PGM2L1: variants seen among roughly 807,000 people sequenced by gnomAD.
PGM2L1 encodes the protein phosphoglucomutase 2 like 1, also known as glucose 1,6-bisphosphate synthase.
PGM2L1 carries 35 observed loss-of-function variants against 73.4 expected under a neutral mutation model. That is an observed-to-expected ratio of 0.48 (90% CI 0.36 to 0.63). PGM2L1 has a LOEUF of 0.63. PGM2L1 is among the 30% of genes least tolerant of loss of function. PGM2L1 has a pLI of 0.00. For missense variants in PGM2L1, 570 were observed against 742.0 expected (o/e 0.77, Z 2.69); for synonymous variants, 225 against 253.8 (o/e 0.89, Z 1.08).
In PGM2L1 at chr11:74,348,547, C is replaced by A. The variant is rs564000365; in HGVS notation, c.750-1210G>T. Among the ~76,000 whole-genome samples the A allele has an allele frequency of 9.2e-5, 14 of 152,236 alleles. 1 individual carries two copies. Among genetic ancestry groups the A allele is most frequent in the Admixed American group, 2.6e-4 (4 of 15,288 alleles). On this transcript the variant is annotated intron_variant, in intron 6 of 13. Transcript: ENST00000298198. ...CATCTAACAAAATCAACAATAATTTCTTTCCTCTAATACCGTATCTGTGTT... is the reference window on the plus strand; with the variant it reads ...CATCTAACAAAATCAACAATAATTTATTTCCTCTAATACCGTATCTGTGTT...
chr11:74,355,386 C>T (rs1225451875), intron 5 of PGM2L1: 1 of 577,728 alleles, frequency 1.7e-6, no homozygotes, highest in Non-Finnish European at 3.1e-6. Flanking sequence ...AACCCCGTCT[C>T]TACTAAAAAT....
intron 1 of PGM2L1, among the ~76,000 whole-genome samples, chr11:74,387,259 T>C (rs1029853048): frequency 6.6e-6 from 1 of 152,176 alleles, no homozygotes; most frequent in Admixed American, 6.6e-5. Context: ...ATTAGAAAGG[T>C]TGGGGTCAGA....
At chr11:74,357,467 AACAATGAGAT>A (rs1181757874) in intron 5 of PGM2L1, among the ~76,000 whole-genome samples, 1 of 152,332 alleles carries the variant, frequency 6.6e-6, no homozygotes, top group East Asian at 1.9e-4. Flanking sequence ...AAATTAAAAC[AACAATGAGAT>A]ACTACTGCAC....
At chr11:74,359,253 A>G (rs554006354) in intron 5 of PGM2L1, among the ~76,000 whole-genome samples, 28 of 152,198 alleles carry the variant, frequency 1.8e-4, no homozygotes, top group Admixed American at 5.9e-4. Flanking sequence ...CAGTGCCACA[A>G]TAAACATTCT....
rs538574623 is a variant in PGM2L1 at position 74,381,535 on chromosome 11, G to A, written c.112-6953C>T. 1.1e-4 allele frequency among the ~76,000 whole-genome samples: 17 copies of A among 149,216 alleles called. 1 individual carries two copies. Among genetic ancestry groups the A allele is most frequent in the African/African-American group, 1.2e-4 (5 of 40,402 alleles). On this transcript the variant is annotated intron_variant, in intron 1 of 13. Transcript: ENST00000298198. ...CTGTGTAAGCCACTGAAACTTTGGC[G>A]TATTTGTAGGGTTTTTTGTTTGTTT...
chr11:74,387,327 C>T (rs1263924011), intron 1 of PGM2L1, among the ~76,000 whole-genome samples: 4 of 152,158 alleles, frequency 2.6e-5, no homozygotes, highest in African/African-American at 4.8e-5. Context: ...CCTCTCTCTA[C>T]ACTTCTCTGA....
intron 1 of PGM2L1, among the ~76,000 whole-genome samples, chr11:74,392,086 GC>G (rs1863111234): frequency 2.0e-5 from 3 of 152,186 alleles, no homozygotes; most frequent in Admixed American, 2.0e-4. Context: ...AATATCTAAA[GC>G]TTTAAAATAC....
chr11:74,338,119 G>A (rs1321240007), intron 13 of PGM2L1, among the ~76,000 whole-genome samples: 1 of 152,144 alleles, frequency 6.6e-6, no homozygotes, highest in East Asian at 1.9e-4. Context: ...CTGAATCATG[G>A]TGGAACCTAG....
At chr11:74,390,131 A>G (rs1477276553) in intron 1 of PGM2L1, among the ~76,000 whole-genome samples, 6 of 133,798 alleles carry the variant, frequency 4.5e-5, no homozygotes, top group African/African-American at 1.4e-4. Flanking sequence ...AAAAAAAAAA[A>G]GAAAACTTGA....
At chr11:74,397,895 C>T (rs1365942501) in intron 1 of PGM2L1, 156 bp downstream of exon 1, 2 of 1,306,480 alleles carry the variant, frequency 1.5e-6, no homozygotes, top group Non-Finnish European at 2.0e-6. Flanking sequence ...AAGGAGCAAC[C>T]CCACGCATAG....
intron 1 of PGM2L1, among the ~76,000 whole-genome samples, chr11:74,388,303 T>A (rs1053274344): frequency 6.9e-6 from 1 of 145,526 alleles, no homozygotes; most frequent in Non-Finnish European, 1.5e-5. Context: ...GTAAATCTCA[T>A]GCTAAGTGTT....
At chr11:74,361,344 A>G (rs1474230914) in intron 5 of PGM2L1, among the ~76,000 whole-genome samples, 2 of 152,186 alleles carry the variant, frequency 1.3e-5, no homozygotes, top group African/African-American at 2.4e-5. Context: ...GGTCCTGACT[A>G]TTATAAGGAA....
Position 74,347,340 on chromosome 11 carries a change from G to T in PGM2L1, c.750-3C>A. ...AGGTGGTCTTCGAGTTTAACTCCCTGTAAAGGAAAATCAACATAAGATCAT... is the reference window on the plus strand; with the variant it reads ...AGGTGGTCTTCGAGTTTAACTCCCTTTAAAGGAAAATCAACATAAGATCAT... On this transcript the variant is annotated splice_polypyrimidine_tract_variant and splice_region_variant and intron_variant, in intron 6 of 13. Transcript: ENST00000298198. The T allele has an allele frequency of 6.3e-7, 1 of 1,577,016 alleles. No individual in the cohort carries two copies. The highest frequency in any genetic ancestry group is 8.6e-7 in the Non-Finnish European group (1 of 1,162,658).
At chr11:74,357,198 G>T (rs545392062) in intron 5 of PGM2L1, among the ~76,000 whole-genome samples, 128 of 152,178 alleles carry the variant, frequency 8.4e-4, no homozygotes, top group African/African-American at 2.7e-3. Context: ...ATGAAAGAAA[G>T]AATTGATAAG....
In PGM2L1 at chr11:74,335,965, A is replaced by C. The variant is rs1306233980; in HGVS notation, c.*687T>G. ...TGAGAAGGCACTGAGAAATTTGATA[A>C]GAACAAAGCCAATAGGAGTGTTGCC... On this transcript the variant is annotated 3_prime_UTR_variant, in exon 14 of 14. Transcript: ENST00000298198. 6.6e-6 allele frequency: 1 copy of C among 152,666 alleles called. No homozygotes were observed. The highest frequency in any genetic ancestry group is 2.4e-5 in the African/African-American group (1 of 41,458). 9.5% of individuals were successfully genotyped at this position (152,666 alleles called of 1,614,324 possible).
intron 1 of PGM2L1, among the ~76,000 whole-genome samples, chr11:74,387,101 T>C (rs1015904436): frequency 6.6e-6 from 1 of 152,236 alleles, no homozygotes; most frequent in African/African-American, 2.4e-5. Flanking sequence ...AACATCCTTA[T>C]GTAAAACTTT....
At chr11:74,359,416 A>T (rs646047) in intron 5 of PGM2L1, among the ~76,000 whole-genome samples, 90,612 of 151,844 alleles carry the variant, frequency 0.6, 27,724 homozygotes, top group East Asian at 0.8. Flanking sequence ...CAATGTCACA[A>T]ATACAAATAT....
chr11:74,374,864 A>C (rs1292594670), intron 1 of PGM2L1, among the ~76,000 whole-genome samples: 1 of 152,194 alleles, frequency 6.6e-6, no homozygotes, highest in African/African-American at 2.4e-5. Context: ...AAGAGCTTTG[A>C]ATCCAAAATA....
At position 74,333,642 on chromosome 11, in the gene PGM2L1, T is replaced by G. The variant is rs1387783694; in HGVS notation, c.*3010A>C. The G allele has an allele frequency of 1.2e-4, 18 of 152,188 alleles. No homozygotes were observed. Among genetic ancestry groups the G allele is most frequent in the Admixed American group, 1.0e-3 (16 of 15,276 alleles). The allele number at this position is 152,188 out of a possible 1,614,324, so 9.4% of individuals were successfully genotyped here. ...GATCACAATAAAGGAAAATGGTAGG[T>G]GCATACTCATCATAACAACAAATAA... On this transcript the variant is annotated 3_prime_UTR_variant, in exon 14 of 14. Coordinates refer to ENST00000298198, the MANE Select transcript of PGM2L1 (RefSeq NM_173582.6).
Sources: allele counts gnomAD v4.1 joint callset (sites outside exome capture counted in the v4.1 genomes callset), GRCh38; gene constraint gnomAD v4.1.1; transcripts MANE v1.5; gene names NCBI Gene and HGNC (gene_info 2026-07-23, HGNC 2026-07-21).